The following NCAM2 variants were observed in gnomAD, a reference collection of about 807,000 sequenced individuals.
The protein encoded by NCAM2 is N-CAM-2.
Under a neutral mutation model 98.1 loss-of-function variants are expected in NCAM2, and 30 were observed. The ratio of observed to expected loss-of-function variants is 0.31; its 90% CI spans 0.23 to 0.41. The LOEUF (loss-of-function observed/expected upper bound fraction) is 0.41. Ranked by LOEUF, NCAM2 falls within the 10% of genes least tolerant of loss-of-function variation. The pLI is 1.00. For missense variants in NCAM2, 867 were observed against 1,005.8 expected, an observed-to-expected ratio of 0.86 and a Z score of 1.87; for synonymous variants, 368 against 342.4, an observed-to-expected ratio of 1.07 and a Z score of -0.83.
At chr21:21,273,146 G>A (rs2072592273) in intron 1 of NCAM2, among the ~76,000 whole-genome samples, 1 of 152,116 alleles carries the variant, frequency 6.6e-6, no homozygotes, top group Non-Finnish European at 1.5e-5. Context: ...TTGGCTGAGT[G>A]GCCAGTAGCA....
At chr21:21,389,971 T>G (rs1172673007) in intron 9 of NCAM2, among the ~76,000 whole-genome samples, 1 of 152,124 alleles carries the variant, frequency 6.6e-6, no homozygotes, top group Non-Finnish European at 1.5e-5. Flanking sequence ...TGCCTCAGCC[T>G]CCCGAGTAGC....
Position 21,394,469 on chromosome 21 carries a change from C to CTTTTTTTTTTT in NCAM2, c.1196-15778_1196-15768dup, listed in dbSNP as rs532068473. On this transcript the variant is annotated intron_variant, in intron 9 of 17. Transcript: ENST00000400546. ...GACCTTAGTTAATTTAAGGGGCCAG[C>CTTTTTTTTTTT]TTTTTTTTTTTTTTTTTTTTTTTTT... Among the ~76,000 whole-genome samples, 76 of 57,672 alleles carry CTTTTTTTTTTT rather than the reference C, an allele frequency of 1.3e-3. 8 individuals are homozygous for CTTTTTTTTTTT. Among genetic ancestry groups the CTTTTTTTTTTT allele is most frequent in the Non-Finnish European group, 1.5e-3 (50 of 33,702 alleles). 37.8% of individuals were successfully genotyped at this position (57,672 alleles called of 152,430 possible). A position where few individuals can be genotyped will look rare whatever the true frequency, so the allele number is the denominator to read the frequency against.
intron 1 of NCAM2, among the ~76,000 whole-genome samples, chr21:21,152,922 C>T (rs1022205399): frequency 5.3e-5 from 8 of 151,892 alleles, no homozygotes; most frequent in African/African-American, 9.7e-5. Context: ...TGTAAAGTTG[C>T]GTATGTGTCT....
intron 1 of NCAM2, among the ~76,000 whole-genome samples, chr21:21,123,540 G>T (rs922509693): frequency 2.0e-5 from 3 of 152,144 alleles, no homozygotes; most frequent in South Asian, 2.1e-4. Context: ...GTGAGGAATT[G>T]TAACACACTG....
intron 16 of NCAM2, among the ~76,000 whole-genome samples, chr21:21,518,449 T>C (rs1237053354): frequency 6.6e-6 from 1 of 152,112 alleles, no homozygotes; most frequent in Non-Finnish European, 1.5e-5. Context: ...GTGGAATCAA[T>C]TCATTTCCAA....
chr21:21,254,020 A>G (rs1193058974), intron 1 of NCAM2, among the ~76,000 whole-genome samples: 1 of 152,228 alleles, frequency 6.6e-6, no homozygotes, highest in African/African-American at 2.4e-5. Context: ...ATCAAAAAGG[A>G]GAATATAACA....
chr21:21,221,593 A>G (rs1353414440), intron 1 of NCAM2, among the ~76,000 whole-genome samples: 2 of 152,214 alleles, frequency 1.3e-5, no homozygotes, highest in Admixed American at 6.5e-5. Flanking sequence ...CCCTTAAGCC[A>G]TTGCCTAATC....
intron 1 of NCAM2, among the ~76,000 whole-genome samples, chr21:21,220,716 G>C (rs187844122): frequency 6.6e-6 from 1 of 152,066 alleles, no homozygotes; most frequent in East Asian, 1.9e-4. Context: ...AATTTAATGT[G>C]CCCATGAATC....
At chr21:21,509,451 T>A (rs1005233058) in intron 16 of NCAM2, among the ~76,000 whole-genome samples, 4 of 152,126 alleles carry the variant, frequency 2.6e-5, no homozygotes, top group Admixed American at 2.0e-4. Context: ...TTGAACTGAG[T>A]TAAAAACAAC....
At chr21:21,377,224 AAT>A (rs1202410287) in intron 9 of NCAM2, among the ~76,000 whole-genome samples, 1 of 151,788 alleles carries the variant, frequency 6.6e-6, no homozygotes, top group African/African-American at 2.4e-5. Context: ...TATAATGTAA[AAT>A]ATGAGTTTTG....
intron 15 of NCAM2, among the ~76,000 whole-genome samples, chr21:21,503,913 C>G (rs970631252): frequency 1.3e-5 from 2 of 151,400 alleles, no homozygotes; most frequent in African/African-American, 2.4e-5. Flanking sequence ...TTCATAACAG[C>G]AATACAAAAT....
intron 5 of NCAM2, among the ~76,000 whole-genome samples, chr21:21,311,403 C>G (rs935071185): frequency 7.3e-6 from 1 of 137,108 alleles, no homozygotes; most frequent in Admixed American, 8.2e-5. Flanking sequence ...TGCAATGATG[C>G]AATCTCCGCT....
chr21:21,096,953 G>A (rs2066137209), intron 1 of NCAM2, among the ~76,000 whole-genome samples: 2 of 151,694 alleles, frequency 1.3e-5, no homozygotes, highest in African/African-American at 4.8e-5. Context: ...CTGTAATGGA[G>A]ACAGTGTCAA....
chr21:21,027,654 A>G (rs918824576), intron 1 of NCAM2, among the ~76,000 whole-genome samples: 4 of 152,198 alleles, frequency 2.6e-5, no homozygotes, highest in Admixed American at 6.5e-5. Flanking sequence ...AAATACTTCT[A>G]TGGGCTTAAC....
chr21:21,178,587 G>A (rs531762344), intron 1 of NCAM2, among the ~76,000 whole-genome samples: 162 of 152,058 alleles, frequency 1.1e-3, no homozygotes, highest in African/African-American at 3.7e-3. Context: ...AGACACTGAG[G>A]TGGAAAGAGA....
rs904415551 is a variant in NCAM2 at position 21,299,561 on chromosome 21, T to TTC, written c.619+7336_619+7337dup. On this transcript the variant is annotated intron_variant, in intron 5 of 17. Transcript: ENST00000400546. ...TTCACAATCTCCGTCTAAAATGTGA[T>TTC]TCTCTCTCTCTCTCTCTTTCTCTCC... Among the ~76,000 whole-genome samples the TTC allele has an allele frequency of 4.7e-4, 71 of 150,396 alleles. 1 individual carries two copies. Among genetic ancestry groups the TTC allele is most frequent in the Non-Finnish European group, 4.5e-4 (30 of 67,338 alleles).
intron 1 of NCAM2, among the ~76,000 whole-genome samples, chr21:21,147,435 G>A (rs555388447): frequency 6.6e-6 from 1 of 151,586 alleles, no homozygotes; most frequent in Non-Finnish European, 1.5e-5. Flanking sequence ...TTTGAGACAG[G>A]GTCTTGCCCT....
At chr21:21,496,230 A>G (rs1271332484) in intron 15 of NCAM2, among the ~76,000 whole-genome samples, 4 of 151,994 alleles carry the variant, frequency 2.6e-5, no homozygotes, top group African/African-American at 4.8e-5. Flanking sequence ...TTGCATTCCC[A>G]TCAACAATGT....
Position 21,049,427 on chromosome 21 carries a change from TTAATAGATTCAATAA to T in NCAM2, c.55+50811_55+50825del, listed in dbSNP as rs566908453. ...CTTCTAATTACATGTTTGATTCTTT[TTAATAGATTCAATAA>T]TTGATGGCATAGACCCTTCTGAATT... On this transcript the variant is annotated intron_variant, in intron 1 of 17. Coordinates refer to ENST00000400546, the MANE Select transcript of NCAM2 (RefSeq NM_004540.5). Among the ~76,000 whole-genome samples, 977 of 152,250 alleles carry T rather than the reference TTAATAGATTCAATAA, an allele frequency of 6.4e-3. 6 individuals carry two copies. Among genetic ancestry groups the T allele is most frequent in the Middle Eastern group, 0.041 (12 of 294 alleles).
Sources: allele counts gnomAD v4.1 joint callset (sites outside exome capture counted in the v4.1 genomes callset), GRCh38; gene constraint gnomAD v4.1.1; transcripts MANE v1.5; gene names NCBI Gene and HGNC (gene_info 2026-07-23, HGNC 2026-07-21).